Variants in COMMD1 observed in about 807,000 individuals in gnomAD.
COMMD1 encodes the protein copper metabolism domain containing 1.
Under a neutral mutation model 17.2 loss-of-function variants are expected in COMMD1, and 10 were observed. The ratio of observed to expected loss-of-function variants is 0.58; its 90% confidence interval spans 0.36 to 0.99. The LOEUF is 0.99. Ranked by LOEUF, COMMD1 falls within the 50% of genes least tolerant of loss-of-function variation. The pLI is 0.01. For missense variants in COMMD1, 270 were observed against 231.8 expected, an observed-to-expected ratio of 1.17 and a Z score of -1.07; for synonymous variants, 97 against 91.6, an observed-to-expected ratio of 1.06 and a Z score of -0.34.
chr2:61,946,377 G>A (rs887855037), intron 1 of COMMD1, among the ~76,000 whole-genome samples: 1 of 152,090 alleles, frequency 6.6e-6, no homozygotes, highest in African/African-American at 2.4e-5. Flanking sequence ...ATGTCAAAAG[G>A]TTCGAATGTT....
chr2:61,963,591 G>A lies in COMMD1; in HGVS notation c.181-37110G>A, dbSNP rs1252539372. Among the ~76,000 whole-genome samples the A allele has an allele frequency of 5.3e-5, 8 of 152,070 alleles. No homozygotes were observed. The East Asian group carries it at 5.8e-4, about 11-fold the overall frequency. On this transcript the variant is annotated intron_variant, in intron 1 of 2. Coordinates refer to ENST00000311832, the MANE Select transcript of COMMD1 (RefSeq NM_152516.4). The stretch of plus-strand genomic sequence containing the variant: ...ACTCCTGACCTCAGGTGATCTGCCC[G>A]CCTCGGCCTCCCAAAGTGCTAGGAT...
intron 2 of COMMD1, among the ~76,000 whole-genome samples, chr2:62,097,057 T>A (rs1672031743): frequency 6.6e-6 from 1 of 152,216 alleles, no homozygotes; most frequent in Non-Finnish European, 1.5e-5. Flanking sequence ...TACTGAAGAA[T>A]GCACTACATA....
intron 2 of COMMD1, among the ~76,000 whole-genome samples, chr2:62,038,344 C>G (rs1670095012): frequency 6.6e-6 from 1 of 151,906 alleles, no homozygotes; most frequent in Admixed American, 6.6e-5. Context: ...AACGATGAAT[C>G]AAAATGTATT....
chr2:61,916,081 C>T (rs1185311938), intron 1 of COMMD1, among the ~76,000 whole-genome samples: 1 of 151,936 alleles, frequency 6.6e-6, no homozygotes, highest in African/African-American at 2.4e-5. Context: ...AGTGATTCTC[C>T]CACCTGAACC....
chr2:61,957,299 C>G (rs997468660), intron 1 of COMMD1, among the ~76,000 whole-genome samples: 5 of 152,074 alleles, frequency 3.3e-5, no homozygotes, highest in African/African-American at 1.2e-4. Context: ...GGTCTTTCTG[C>G]TTCTGTTTTC....
chr2:61,966,965 G>A (rs1379169202), intron 1 of COMMD1, among the ~76,000 whole-genome samples: 2 of 151,910 alleles, frequency 1.3e-5, no homozygotes, highest in African/African-American at 2.4e-5. Context: ...TCCATGAAGA[G>A]CAGTAACATT....
chr2:62,075,310 C>T (rs1671311394), intron 2 of COMMD1, among the ~76,000 whole-genome samples: 1 of 152,122 alleles, frequency 6.6e-6, no homozygotes, highest in Non-Finnish European at 1.5e-5. Flanking sequence ...GGCCTGTGTT[C>T]CTCTATAGCA....
chr2:61,987,465 A>T (rs556678663), intron 1 of COMMD1, among the ~76,000 whole-genome samples: 32 of 152,280 alleles, frequency 2.1e-4, no homozygotes, highest in Non-Finnish European at 3.8e-4. Flanking sequence ...GTGGTCTTGG[A>T]TAAGATCTGG....
intron 2 of COMMD1, among the ~76,000 whole-genome samples, chr2:62,045,853 C>T (rs1326076548): frequency 6.7e-6 from 1 of 150,020 alleles, no homozygotes; most frequent in Non-Finnish European, 1.5e-5. Context: ...TCTCCTGCCT[C>T]AGCCTCCCGA....
At chr2:62,091,644 A>G (rs1671832618) in intron 2 of COMMD1, among the ~76,000 whole-genome samples, 1 of 152,190 alleles carries the variant, frequency 6.6e-6, no homozygotes, top group Non-Finnish European at 1.5e-5. Context: ...CCACTTGACC[A>G]TAAATAGTTC....
At chr2:61,935,478 AT>A (rs1404404033) in intron 1 of COMMD1, among the ~76,000 whole-genome samples, 1 of 152,066 alleles carries the variant, frequency 6.6e-6, no homozygotes, top group African/African-American at 2.4e-5. Flanking sequence ...AAATACAAAA[AT>A]TAGCTGGGCA....
chr2:61,994,245 C>G (rs781031974), intron 1 of COMMD1, among the ~76,000 whole-genome samples: 1 of 152,128 alleles, frequency 6.6e-6, no homozygotes, highest in African/African-American at 2.4e-5. Flanking sequence ...CCTCAGCCTC[C>G]CAAAGTGCTG....
chr2:62,047,920 G>A (rs968578887), intron 2 of COMMD1, among the ~76,000 whole-genome samples: 1 of 152,090 alleles, frequency 6.6e-6, no homozygotes, highest in African/African-American at 2.4e-5. Context: ...TGCTGTACAG[G>A]TTTATACCCT....
intron 1 of COMMD1, among the ~76,000 whole-genome samples, chr2:61,961,897 G>A (rs1671351908): frequency 6.6e-6 from 1 of 151,858 alleles, no homozygotes; most frequent in Admixed American, 6.6e-5. Context: ...TTATGTAGGT[G>A]GTCTCTTGTT....
chr2:61,998,895 A>C (rs1046342899), intron 1 of COMMD1, among the ~76,000 whole-genome samples: 1 of 152,170 alleles, frequency 6.6e-6, no homozygotes, highest in African/African-American at 2.4e-5. Context: ...GACATTTATC[A>C]ATTAGTTAGT....
intron 2 of COMMD1, among the ~76,000 whole-genome samples, chr2:62,111,407 T>C (rs1672450876): frequency 6.6e-6 from 1 of 152,202 alleles, no homozygotes; most frequent in Non-Finnish European, 1.5e-5. Flanking sequence ...TGATAAAGAA[T>C]GGACAGTTGC....
chr2:61,976,971 G>A (rs1442394079), intron 1 of COMMD1, among the ~76,000 whole-genome samples: 1 of 151,774 alleles, frequency 6.6e-6, no homozygotes, highest in Non-Finnish European at 1.5e-5. Context: ...TGGGATTACA[G>A]GTGCGTACCA....
intron 2 of COMMD1, among the ~76,000 whole-genome samples, chr2:62,039,604 C>A (rs542631286): frequency 1.3e-5 from 2 of 152,192 alleles, no homozygotes; most frequent in African/African-American, 2.4e-5. Context: ...TCAAGTATTG[C>A]TGGCCAGTTT....
At chr2:61,915,301 C>T (rs1033211426) in intron 1 of COMMD1, among the ~76,000 whole-genome samples, 3 of 152,194 alleles carry the variant, frequency 2.0e-5, no homozygotes, top group African/African-American at 7.2e-5. Flanking sequence ...CCACTGCACC[C>T]AGCCCGGATT....
Sources: gnomAD v4.1 joint callset for allele counts (sites outside exome capture counted in the v4.1 genomes callset) on GRCh38, gnomAD v4.1.1 for gene constraint, MANE v1.5 for transcripts, NCBI Gene and HGNC (gene_info 2026-07-23, HGNC 2026-07-21) for gene names.